AGBL4: variants seen among roughly 807,000 people sequenced by gnomAD.
AGBL4 encodes the protein cytosolic carboxypeptidase 6.
In AGBL4, 58 loss-of-function variants were observed where a neutral mutation model predicts 66.4. The ratio of observed to expected loss-of-function variants is 0.87; its 90% CI spans 0.71 to 1.09. The LOEUF (loss-of-function observed/expected upper bound fraction) is 1.09, where lower values mean the gene tolerates loss of function less well. Among genes scored for constraint, AGBL4 ranks in the 50% least tolerant of loss-of-function variants. AGBL4 has a pLI of 0.00. For missense variants in AGBL4, 579 were observed against 631.0 expected, an observed-to-expected ratio of 0.92 and a Z score of 0.88; for synonymous variants, 234 against 222.9, an observed-to-expected ratio of 1.05 and a Z score of -0.44.
intron 6 of AGBL4, among the ~76,000 whole-genome samples, chr1:48,862,470 C>T (rs1270081775): frequency 2.6e-5 from 4 of 152,042 alleles, no homozygotes; most frequent in Admixed American, 6.5e-5. Flanking sequence ...TACAGGCGCC[C>T]GCCACCACGC....
chr1:49,312,614 T>C (rs1188022391), intron 3 of AGBL4, among the ~76,000 whole-genome samples: 9 of 151,966 alleles, frequency 5.9e-5, no homozygotes, highest in Non-Finnish European at 1.5e-5. Flanking sequence ...ATATACAACA[T>C]TTCTTAAAAC....
chr1:49,882,755 C>A (rs555752096), intron 1 of AGBL4, among the ~76,000 whole-genome samples: 3 of 152,260 alleles, frequency 2.0e-5, no homozygotes, highest in Admixed American at 2.0e-4. Context: ...TGAGACCTTG[C>A]TGAAGTTGCT....
At chr1:49,582,067 G>A (rs550067979) in intron 3 of AGBL4, among the ~76,000 whole-genome samples, 1 of 152,250 alleles carries the variant, frequency 6.6e-6, no homozygotes, top group African/African-American at 2.4e-5. Flanking sequence ...GGGTGTTCAT[G>A]CTTGACTTTT....
chr1:48,640,395 A>G (rs1645735249), intron 8 of AGBL4, among the ~76,000 whole-genome samples: 1 of 152,200 alleles, frequency 6.6e-6, no homozygotes, highest in Non-Finnish European at 1.5e-5. Flanking sequence ...AAGATTCAAT[A>G]TATTTATTGG....
At chr1:49,105,530 C>G (rs1645276986) in intron 4 of AGBL4, among the ~76,000 whole-genome samples, 1 of 152,150 alleles carries the variant, frequency 6.6e-6, no homozygotes, top group Admixed American at 6.5e-5. Flanking sequence ...GGTCCCAATA[C>G]CATCCACTTT....
At chr1:49,271,354 C>T (rs1184691079) in intron 3 of AGBL4, among the ~76,000 whole-genome samples, 1 of 151,726 alleles carries the variant, frequency 6.6e-6, no homozygotes, top group Non-Finnish European at 1.5e-5. Flanking sequence ...TGGGGTGGTT[C>T]TAGATCTTAT....
chr1:49,882,988 C>G (rs1647573020), intron 1 of AGBL4, among the ~76,000 whole-genome samples: 2 of 152,100 alleles, frequency 1.3e-5, no homozygotes, highest in African/African-American at 4.8e-5. Context: ...TAGTACCTAC[C>G]TCTGCCTACA....
intron 4 of AGBL4, among the ~76,000 whole-genome samples, chr1:49,160,745 T>C (rs1367282663): frequency 6.6e-6 from 1 of 152,204 alleles, no homozygotes; most frequent in Non-Finnish European, 1.5e-5. Context: ...AGAGATGTCC[T>C]GCCCAGAGAG....
At chr1:49,472,349 A>T (rs1188074715) in intron 3 of AGBL4, among the ~76,000 whole-genome samples, 1 of 152,092 alleles carries the variant, frequency 6.6e-6, no homozygotes, top group Non-Finnish European at 1.5e-5. Flanking sequence ...AGTAGATACG[A>T]ACACAGATAT....
At chr1:48,984,084 A>C (rs1199418372) in intron 5 of AGBL4, among the ~76,000 whole-genome samples, 1 of 152,104 alleles carries the variant, frequency 6.6e-6, no homozygotes, top group Non-Finnish European at 1.5e-5. Context: ...TTAGGAGAGA[A>C]CATACAAGGA....
At chr1:48,949,405 G>T (rs1250280807) in intron 5 of AGBL4, among the ~76,000 whole-genome samples, 3 of 152,190 alleles carry the variant, frequency 2.0e-5, no homozygotes, top group Non-Finnish European at 4.4e-5. Context: ...GATAGAATTG[G>T]TTTGATGCCA....
At chr1:49,737,764 A>G (rs977323174) in intron 2 of AGBL4, among the ~76,000 whole-genome samples, 31 of 152,258 alleles carry the variant, frequency 2.0e-4, no homozygotes, top group African/African-American at 7.0e-4. Context: ...ACATATTCAG[A>G]GTGCTGAAAG....
At chr1:49,844,926 G>T in intron 2 of AGBL4, 1 of 1,368,578 alleles carries the variant, frequency 7.3e-7, no homozygotes, top group Non-Finnish European at 1.0e-6. Flanking sequence ...AGAGGAATGG[G>T]TTTGGGGAAA....
At position 49,550,513 on chromosome 1, in the gene AGBL4, C is replaced by T. The variant is rs534292369; in HGVS notation, c.282+146800G>A. Among the ~76,000 whole-genome samples the T allele has an allele frequency of 4.6e-5, 7 of 152,284 alleles. 1 individual carries two copies. In the South Asian group the frequency reaches 1.4e-3, roughly 32 times the overall value. ...GTGGCTTGATAGTGGCGAATTCTCT[C>T]AGTATTTGTTTGTCTGAAAAAGACT... is the stretch of plus-strand genomic sequence containing the variant. On this transcript the variant is annotated intron_variant, in intron 3 of 13. Coordinates refer to ENST00000371839, the MANE Select transcript of AGBL4 (RefSeq NM_032785.4).
At chr1:49,065,419 G>A (rs141485207) in intron 4 of AGBL4, among the ~76,000 whole-genome samples, 126 of 152,324 alleles carry the variant, frequency 8.3e-4, no homozygotes, top group African/African-American at 2.9e-3. Flanking sequence ...AGAGGGTATA[G>A]CTTATGTGAA....
At chr1:48,814,844 C>T (rs944161925) in intron 6 of AGBL4, among the ~76,000 whole-genome samples, 5 of 152,102 alleles carry the variant, frequency 3.3e-5, no homozygotes, top group African/African-American at 1.2e-4. Flanking sequence ...TGGCTGTTAA[C>T]AGTTCTGCAA....
chr1:49,496,236 C>T (rs1212630044), intron 3 of AGBL4, among the ~76,000 whole-genome samples: 1 of 151,594 alleles, frequency 6.6e-6, no homozygotes, highest in Non-Finnish European at 1.5e-5. Flanking sequence ...AAAATGGAGT[C>T]TTTTTTTTCA....
intron 3 of AGBL4, among the ~76,000 whole-genome samples, chr1:49,660,431 T>C (rs1646246013): frequency 6.6e-6 from 1 of 152,118 alleles, no homozygotes; most frequent in African/African-American, 2.4e-5. Context: ...GAATGGCTAT[T>C]GTTAAAAAGT....
chr1:49,615,467 T>G (rs1465255113), intron 3 of AGBL4, among the ~76,000 whole-genome samples: 1 of 152,128 alleles, frequency 6.6e-6, no homozygotes, highest in East Asian at 1.9e-4. Context: ...TATTGGATGG[T>G]AAGGTATCTG....
Sources: allele counts gnomAD v4.1 joint callset (sites outside exome capture counted in the v4.1 genomes callset), GRCh38; gene constraint gnomAD v4.1.1; transcripts MANE v1.5; gene names NCBI Gene and HGNC (gene_info 2026-07-23, HGNC 2026-07-21).